RRBP1: variants seen among roughly 807,000 people sequenced by gnomAD.
RRBP1 encodes ribosome-binding protein 1.
A neutral mutation model predicts 165.2 loss-of-function variants in RRBP1; 94 were observed. That is an observed-to-expected ratio of 0.57 (90% confidence interval 0.48 to 0.68). RRBP1 has a LOEUF of 0.68. RRBP1 is among the 30% of genes least tolerant of loss of function. RRBP1 has a pLI of 0.00. For missense variants in RRBP1, 1,676 were observed against 1,763.0 expected (o/e 0.95, Z 0.88); for synonymous variants, 680 against 714.5 (o/e 0.95, Z 0.77).
intron 19 of RRBP1, 122 bp from the exon 20 acceptor site, chr20:17,618,801 G>A (rs2035852293): frequency 1.3e-6 from 1 of 745,838 alleles, no homozygotes; most frequent in Non-Finnish European, 2.3e-6. Context: ...CCCTGAGGAG[G>A]GTCACAGCAT....
At position 17,615,887 on chromosome 20, in the gene RRBP1, G is replaced by A. The variant is rs751067599; in HGVS notation, c.3951+39C>T. 32 of 1,560,428 alleles carry A rather than the reference G, an allele frequency of 2.1e-5. No homozygotes were observed. In the East Asian group the frequency reaches 6.7e-4, roughly 33 times the overall value. On this transcript the variant is annotated intron_variant, in intron 22 of 24. Coordinates refer to ENST00000377813, the MANE Select transcript of RRBP1 (RefSeq NM_001365613.2). ...CATTCCCTGGAGACTCAGGGCCCAG[G>A]GGCTGATGGGGGCTGAGAGCCACCA...
At chr20:17,636,775 C>G (rs772416469) in intron 5 of RRBP1, 46 bp from the exon 6 acceptor site, 2 of 1,607,958 alleles carry the variant, frequency 1.2e-6, no homozygotes, top group South Asian at 2.2e-5. Context: ...CCTTGCAGGG[C>G]AGGAGCCTAT....
intron 2 of RRBP1, among the ~76,000 whole-genome samples, chr20:17,676,801 A>G (rs925373075): frequency 6.6e-6 from 1 of 152,082 alleles, no homozygotes; most frequent in Non-Finnish European, 1.5e-5. Flanking sequence ...CCTAGGCTGG[A>G]GTGTAGTATG....
At chr20:17,650,443 A>C (rs1484214134) in intron 3 of RRBP1, among the ~76,000 whole-genome samples, 1 of 152,180 alleles carries the variant, frequency 6.6e-6, no homozygotes, top group Non-Finnish European at 1.5e-5. Flanking sequence ...CGCAGAAAGC[A>C]GGCCCACAGC....
intron 3 of RRBP1, among the ~76,000 whole-genome samples, chr20:17,653,067 G>A (rs1437928332): frequency 6.6e-6 from 1 of 152,216 alleles, no homozygotes; most frequent in Non-Finnish European, 1.5e-5. Flanking sequence ...GATGAAGTGT[G>A]CCCGGAGCAG....
chr20:17,633,641 T>C lies in RRBP1; in HGVS notation c.2457-28A>G, dbSNP rs542788288. On this transcript the variant is annotated intron_variant, in intron 7 of 24. Transcript: ENST00000377813. The stretch of plus-strand genomic sequence containing the variant: ...GCAAGACAGTCACCAGCCCGACTAA[T>C]GGAAAGAAAAGGGTGATGGGATCGG... 9.9e-6 allele frequency: 16 copies of C among 1,611,006 alleles called. No homozygotes were observed. The East Asian group carries it at 1.3e-4, about 13-fold the overall frequency.
chr20:17,651,999 A>G (rs1433799008), intron 3 of RRBP1, among the ~76,000 whole-genome samples: 1 of 152,192 alleles, frequency 6.6e-6, no homozygotes, highest in Non-Finnish European at 1.5e-5. Flanking sequence ...TGGACCAGCC[A>G]GGTAACAGGT....
At position 17,621,690 on chromosome 20, in the gene RRBP1, CGAG is replaced by C. The variant is rs550074239; in HGVS notation, c.3321_3323del (p.Ser1108del). On this transcript the variant is annotated inframe_deletion and splice_region_variant, in exon 15 of 25. Coordinates refer to ENST00000377813, the MANE Select transcript of RRBP1 (RefSeq NM_001365613.2). The stretch of plus-strand genomic sequence containing the variant: ...AGCCTTGCCAGGCAGCCACACTTAC[CGAG>C]GAGGGCTCCGCGGGAGCTGGCGGGT... 1,695 of 1,613,426 alleles carry C rather than the reference CGAG, an allele frequency of 1.1e-3. 15 individuals carry two copies. The African/African-American group carries it at 0.021, about 20-fold the overall frequency.
At chr20:17,675,072 G>C (rs570609857) in intron 2 of RRBP1, among the ~76,000 whole-genome samples, 63 of 152,358 alleles carry the variant, frequency 4.1e-4, no homozygotes, top group African/African-American at 1.4e-3. Flanking sequence ...AATCTAACCA[G>C]GCTGGAGACT....
rs1268777647 is a variant in RRBP1 at position 17,619,669 on chromosome 20, G to A, written c.3639C>T (p.Ser1213=). The change falls in exon 19 of 25, where the codon AGC becomes AGT. Residue 1213 remains serine (S), a synonymous_variant. Coordinates refer to ENST00000377813, the MANE Select transcript of RRBP1 (RefSeq NM_001365613.2). ...CCTTGGCGTAGTTCTGGCACTCGGC[G>A]CTGGCGGCCGCCATGTGCTTTTCCA... ...AELEKHMAAA[S]AECQNYAKEV... is the part of the protein sequence containing the mutation. 12 of 1,612,780 alleles carry A rather than the reference G, an allele frequency of 7.4e-6. No individual in the cohort carries two copies. The highest frequency in any genetic ancestry group is 4.5e-5 in the East Asian group (2 of 44,834).
chr20:17,659,061 C>CA lies in RRBP1; in HGVS notation c.1446dup (p.Glu483Ter). 1 of 1,549,472 alleles carries CA rather than the reference C, an allele frequency of 6.5e-7. No individual in the cohort carries two copies. Among genetic ancestry groups the CA allele is most frequent in the Non-Finnish European group, 8.7e-7 (1 of 1,146,528 alleles). On this transcript the variant is annotated frameshift_variant, in exon 3 of 25. Transcript: ENST00000377813. LOFTEE classifies it high-confidence loss of function. The stretch of plus-strand genomic sequence containing the variant: ...TTCTTGCCCTGGTTCTGGGCCCCCT[C>CA]AGCCTTCTTGCCCTGGTTCTGGGCC...
chr20:17,658,515 A>G, intron 3 of RRBP1, 81 bp downstream of exon 3: 1 of 1,212,114 alleles, frequency 8.3e-7, no homozygotes, highest in Non-Finnish European at 1.2e-6. Context: ...TGACTGATAC[A>G]GGTGGCACTC....
chr20:17,621,614 A>G (rs1456181749), intron 15 of RRBP1, 67 bp from the exon 16 acceptor site: 6 of 1,590,992 alleles, frequency 3.8e-6, no homozygotes, highest in Non-Finnish European at 5.2e-6. Context: ...CTTCCCGTTG[A>G]AATGACTTGG....
chr20:17,618,474 T>C, intron 20 of RRBP1, 122 bp downstream of exon 20: 1 of 825,932 alleles, frequency 1.2e-6, no homozygotes, highest in Non-Finnish European at 2.1e-6. Context: ...GCTCAACGGG[T>C]GACACTGTCC....
At chr20:17,652,291 G>A (rs959923285) in intron 3 of RRBP1, among the ~76,000 whole-genome samples, 1 of 152,228 alleles carries the variant, frequency 6.6e-6, no homozygotes, top group Non-Finnish European at 1.5e-5. Context: ...CACTTGGAAT[G>A]TGGCTAGTGT....
chr20:17,633,496 C>T lies in RRBP1; in HGVS notation c.2574G>A (p.Lys858=), dbSNP rs377170898. 1 of 1,614,000 alleles carries T rather than the reference C, an allele frequency of 6.2e-7. No individual in the cohort carries two copies. The highest frequency in any genetic ancestry group is 8.5e-7 in the Non-Finnish European group (1 of 1,180,030). The part of the protein sequence containing the change: ...DEQQRKALEA[K]AAAFEKQVLQ... ...GGACCTGCTTCTCGAAGGCAGCTGC[C>T]TTGGCTTCCAGAGCTTTCCGCTGCT... The change falls in exon 8 of 25, where the codon AAG becomes AAA. Residue 858 remains lysine (K), a synonymous_variant. Coordinates refer to ENST00000377813, the MANE Select transcript of RRBP1 (RefSeq NM_001365613.2).
At position 17,660,235 on chromosome 20, in the gene RRBP1, A is replaced by G; in HGVS notation, c.273T>C (p.Asn91=). Residue 91 remains asparagine (N), a synonymous_variant, in exon 3 of 25, where the codon AAT becomes AAC. Transcript: ENST00000377813. ...GKIPDHDPAP[N]VTVLLREPVR... ...CTGGTTCTCGAAGGAGGACAGTCAC[A>G]TTGGGGGCTGGATCATGATCAGGTA... The G allele has an allele frequency of 3.1e-6, 5 of 1,612,800 alleles. No homozygotes were observed. Among genetic ancestry groups the G allele is most frequent in the South Asian group, 2.2e-5 (2 of 90,868 alleles).
intron 3 of RRBP1, among the ~76,000 whole-genome samples, chr20:17,646,127 G>T (rs897388445): frequency 6.6e-6 from 1 of 152,180 alleles, no homozygotes; most frequent in African/African-American, 2.4e-5. Context: ...CTGGGCTCAG[G>T]GGGGTGGCCT....
At chr20:17,620,271 G>A in intron 18 of RRBP1, 28 bp downstream of exon 18, 2 of 1,568,742 alleles carry the variant, frequency 1.3e-6, no homozygotes, top group Non-Finnish European at 1.8e-6. Context: ...CGGGACAAGA[G>A]AAAGAGTTCT....
Sources: allele counts gnomAD v4.1 joint callset (sites outside exome capture counted in the v4.1 genomes callset), GRCh38; gene constraint gnomAD v4.1.1; transcripts MANE v1.5; gene names NCBI Gene and HGNC (gene_info 2026-07-23, HGNC 2026-07-21).